PCDHGB2: variants seen among roughly 807,000 people sequenced by gnomAD.
PCDHGB2 encodes protocadherin gamma-B2.
Under a neutral mutation model 59.3 loss-of-function variants are expected in PCDHGB2, and 55 were observed. The ratio of observed to expected loss-of-function variants is 0.93; its 90% CI spans 0.75 to 1.16. The LOEUF is 1.16. PCDHGB2 is among the 50% of genes most tolerant of loss of function. PCDHGB2 has a pLI of 0.00. For synonymous variants in PCDHGB2, 516 were observed against 512.0 expected, an observed-to-expected ratio of 1.01 and a Z score of -0.11; for missense variants, 1,228 against 1,198.5, an observed-to-expected ratio of 1.02 and a Z score of -0.36.
At chr5:141,433,195 T>C (rs765385329) in intron 1 of PCDHGB2, 8 of 1,582,476 alleles carry the variant, frequency 5.1e-6, no homozygotes, top group Non-Finnish European at 6.9e-6. Flanking sequence ...TGAGTTTATA[T>C]CAAATCTTCT....
At position 141,431,031 on chromosome 5, in the gene PCDHGB2, A is replaced by C; in HGVS notation, c.2422-63776A>C. Reference sequence around the variant, plus strand: ...AGCTTGGTCACGGCGGGCAGGATAGACCGGGAGGAGCTCTGTATGGGGGCC... The same window carrying C: ...AGCTTGGTCACGGCGGGCAGGATAGCCCGGGAGGAGCTCTGTATGGGGGCC... On this transcript the variant is annotated intron_variant, in intron 1 of 3. Coordinates refer to ENST00000522605, the MANE Select transcript of PCDHGB2 (RefSeq NM_018923.3). This position sits in a 1 kb window ranked among gnomAD's most constrained non-coding sequence, Gnocchi z 4.8. 1 of 1,614,036 alleles carries C rather than the reference A, an allele frequency of 6.2e-7. No homozygotes were observed. The highest frequency in any genetic ancestry group is 8.5e-7 in the Non-Finnish European group (1 of 1,180,000).
At chr5:141,418,629 C>T in intron 1 of PCDHGB2, 1 of 1,614,014 alleles carries the variant, frequency 6.2e-7, no homozygotes, top group Non-Finnish European at 8.5e-7. Context: ...GACGTGCCTC[C>T]AGGCACCTCC....
intron 1 of PCDHGB2, chr5:141,367,864 T>C (rs960069997): frequency 1.1e-4 from 16 of 152,208 alleles, no homozygotes; most frequent in African/African-American, 3.9e-4. Flanking sequence ...TCTTTAAGTG[T>C]AGGTGCAATT....
chr5:141,437,881 G>A (rs1317504695), intron 1 of PCDHGB2, among the ~76,000 whole-genome samples: 4 of 152,026 alleles, frequency 2.6e-5, no homozygotes, highest in Admixed American at 2.6e-4. Flanking sequence ...GGGACTACAG[G>A]CACACGCCAC....
At position 141,361,962 on chromosome 5, in the gene PCDHGB2, G is replaced by A. The variant is rs773228526; in HGVS notation, c.1827G>A (p.Leu609=). 5.6e-6 allele frequency: 9 copies of A among 1,602,186 alleles called. No individual in the cohort carries two copies. In the South Asian group the frequency reaches 8.8e-5, roughly 16 times the overall value. Residue 609 remains leucine, a synonymous_variant, in exon 1 of 4, where the codon CTG becomes CTA. Transcript: ENST00000522605. ...ACGCTTGGCTGTCCTACCACGTGCTGCAGGCCAGCGAGCCCGGGCTCTTCA... is the reference window on the plus strand; with the variant it reads ...ACGCTTGGCTGTCCTACCACGTGCTACAGGCCAGCGAGCCCGGGCTCTTCA... ...GHNAWLSYHV[L]QASEPGLFSL... is the part of the protein sequence containing the mutation.
rs1297213443 is a variant in PCDHGB2 at position 141,384,466 on chromosome 5, G to A, written c.2421+21910G>A. Reference sequence around the variant, plus strand: ...GTACGCGCTGCAATCCTTTGATTATGAGCAGTTGAGAGAACTACAACTAAG... The same window carrying A: ...GTACGCGCTGCAATCCTTTGATTATAAGCAGTTGAGAGAACTACAACTAAG... On this transcript the variant is annotated intron_variant, in intron 1 of 3. Coordinates refer to ENST00000522605, the MANE Select transcript of PCDHGB2 (RefSeq NM_018923.3). 3 of 1,613,996 alleles carry A rather than the reference G, an allele frequency of 1.9e-6. No individual in the cohort carries two copies. The African/African-American group carries it at 4.0e-5, about 22-fold the overall frequency.
chr5:141,422,800 C>T, intron 1 of PCDHGB2: 1 of 1,614,214 alleles, frequency 6.2e-7, no homozygotes, highest in Non-Finnish European at 8.5e-7. Context: ...CGACTATGAG[C>T]AGTTTCGAGA....
At chr5:141,426,398 C>A (rs1264385461) in intron 1 of PCDHGB2, 3 of 257,270 alleles carry the variant, frequency 1.2e-5, no homozygotes, top group Non-Finnish European at 2.3e-5. Context: ...TACTCTATTC[C>A]AGAAGAAACG....
Position 141,364,897 on chromosome 5 carries a change from A to C in PCDHGB2, c.2421+2341A>C, listed in dbSNP as rs780576369. 45 of 1,613,852 alleles carry C rather than the reference A, an allele frequency of 2.8e-5. No homozygotes were observed. In the Admixed American group the frequency reaches 3.2e-4, roughly 11 times the overall value. ...ATGTGGTAAGCGGAACTGATGGACA[A>C]AAGTATCCGGAGCTGGTGTTGGAAC... On this transcript the variant is annotated intron_variant, in intron 1 of 3. Transcript: ENST00000522605.
chr5:141,403,809 A>C (rs1242181843), intron 1 of PCDHGB2: 1 of 1,613,904 alleles, frequency 6.2e-7, no homozygotes, highest in South Asian at 1.1e-5. Flanking sequence ...AAAATTAATG[A>C]AAAACAATCT....
At chr5:141,484,872 G>T in intron 1 of PCDHGB2, 1 of 319,608 alleles carries the variant, frequency 3.1e-6, no homozygotes, top group Non-Finnish European at 5.8e-6. Context: ...GGAGCGTGGA[G>T]GATAGGGTGG....
chr5:141,409,486 C>T, intron 1 of PCDHGB2: 1 of 1,613,992 alleles, frequency 6.2e-7, no homozygotes, highest in Non-Finnish European at 8.5e-7. Context: ...CTGACAGGGG[C>T]AAGCCGCCTC....
intron 1 of PCDHGB2, chr5:141,404,380 C>T (rs777340976): frequency 1.9e-6 from 3 of 1,613,916 alleles, no homozygotes; most frequent in Non-Finnish European, 2.5e-6. Context: ...CCGTGATTGC[C>T]TATGACCCTG....
chr5:141,375,702 C>T, intron 1 of PCDHGB2: 2 of 1,614,242 alleles, frequency 1.2e-6, no homozygotes, highest in Non-Finnish European at 1.7e-6. Flanking sequence ...AGCGGGGACC[C>T]GCCTCTTAGC....
At chr5:141,405,369 T>C in intron 1 of PCDHGB2, 3 of 1,606,526 alleles carry the variant, frequency 1.9e-6, no homozygotes, top group Non-Finnish European at 2.5e-6. Context: ...GACACCCCTT[T>C]GGTTCCGGTG....
intron 1 of PCDHGB2, chr5:141,413,669 A>C: frequency 6.2e-7 from 1 of 1,613,844 alleles, no homozygotes; most frequent in South Asian, 1.1e-5. Flanking sequence ...ATTGATCCGG[A>C]TGTGGGCGTG....
Position 141,432,029 on chromosome 5 carries a change from G to A in PCDHGB2, c.2422-62778G>A. 6.2e-7 allele frequency: 1 copy of A among 1,614,178 alleles called. No individual in the cohort carries two copies. Among genetic ancestry groups the A allele is most frequent in the South Asian group, 1.1e-5 (1 of 91,086 alleles). ...TCCTAGCTACAACATCACAGTGACC[G>A]CCACTGACCGGGGAACCCCGCCCCT... On this transcript the variant is annotated intron_variant, in intron 1 of 3. Coordinates refer to ENST00000522605, the MANE Select transcript of PCDHGB2 (RefSeq NM_018923.3). This position sits in a 1 kb window ranked among gnomAD's most constrained non-coding sequence, Gnocchi z 6.0.
chr5:141,372,431 C>T (rs1389799630), intron 1 of PCDHGB2: 1 of 1,614,052 alleles, frequency 6.2e-7, no homozygotes, highest in East Asian at 2.2e-5. Context: ...GCGACCGCCC[C>T]ACTCCCTCTG....
At position 141,494,824 on chromosome 5, in the gene PCDHGB2, G is replaced by C; in HGVS notation, c.2439G>C (p.Thr813=). 6.2e-7 allele frequency: 1 copy of C among 1,614,042 alleles called. No individual in the cohort carries two copies. Among genetic ancestry groups the C allele is most frequent in the East Asian group, 2.2e-5 (1 of 44,866 alleles). The change falls in exon 2 of 4, where the codon ACG becomes ACC. Residue 813 remains threonine, a synonymous_variant. Transcript: ENST00000522605. The part of the protein sequence containing the change: ...DTILKQAPPN[T]DWRFSQAQRP... ...CTCCACAGCAAGCCCCGCCCAACAC[G>C]GACTGGCGTTTCTCTCAGGCCCAGA...
Sources: gnomAD v4.1 joint callset for allele counts (sites outside exome capture counted in the v4.1 genomes callset) on GRCh38, gnomAD v4.1.1 for gene constraint, Gnocchi (gnomAD v3.1) non-coding constraint, MANE v1.5 for transcripts, NCBI Gene and HGNC (gene_info 2026-07-23, HGNC 2026-07-21) for gene names.